The following DGKD variants were observed in gnomAD, a reference collection of about 807,000 sequenced individuals.
The protein encoded by DGKD is diacylglycerol kinase delta.
In DGKD, 68 loss-of-function variants were observed where a neutral mutation model predicts 154.4. The observed-to-expected ratio is 0.44, with a 90% CI of 0.36 to 0.54. The LOEUF (loss-of-function observed/expected upper bound fraction) is 0.54, where lower values mean the gene tolerates loss of function less well. Ranked by LOEUF, DGKD falls within the 20% of genes least tolerant of loss-of-function variation. DGKD has a pLI of 0.00. For missense variants in DGKD, 1,343 were observed against 1,593.6 expected (o/e 0.84, Z 2.68); for synonymous variants, 693 against 638.0 (o/e 1.09, Z -1.30).
At chr2:233,375,152 G>C (rs1203913143) in intron 1 of DGKD, among the ~76,000 whole-genome samples, 3 of 152,142 alleles carry the variant, frequency 2.0e-5, no homozygotes, top group African/African-American at 7.2e-5. Context: ...TTGGCCAGGC[G>C]TGATGGCACA....
In DGKD at chr2:233,438,085, C is replaced by T. The variant is rs753159101; in HGVS notation, c.923-132C>T. The T allele has an allele frequency of 3.1e-4, 321 of 1,019,084 alleles. 1 individual carries two copies. The highest frequency in any genetic ancestry group is 4.0e-4 in the Non-Finnish European group (276 of 684,226). 63.1% of individuals were successfully genotyped at this position (1,019,084 alleles called of 1,614,324 possible). A position where few individuals can be genotyped will look rare whatever the true frequency, so the allele number is the denominator to read the frequency against. On this transcript the variant is annotated intron_variant, in intron 8 of 29. Transcript: ENST00000264057. The surrounding 1 kb of genome is among the most constrained non-coding windows in gnomAD (Gnocchi z 4.1). ...GCTGTGGGGAACTGTTCACTGACCT[C>T]CTCCTGACTTACAGGTGTGCATGTG...
rs1190339309 is a variant in DGKD, at chr2:233,457,741, G to A, written c.2580+413G>A. On this transcript the variant is annotated intron_variant, in intron 21 of 29. Transcript: ENST00000264057. The surrounding 1 kb of genome is among the most constrained non-coding windows in gnomAD (Gnocchi z 5.5). Reference sequence around the variant, plus strand: ...GACAGGGCAGGCACATGGAGGATGGGAGAGAGGTGCCCCGACTGCAGTGGG... The same window carrying A: ...GACAGGGCAGGCACATGGAGGATGGAAGAGAGGTGCCCCGACTGCAGTGGG... 7.7e-5 allele frequency: 29 copies of A among 376,672 alleles called. No individual in the cohort carries two copies. The highest frequency in any genetic ancestry group is 1.5e-4 in the Non-Finnish European group (28 of 190,390). 23.3% of individuals were successfully genotyped at this position (376,672 alleles called of 1,614,324 possible). A position where few individuals can be genotyped will look rare whatever the true frequency, so the allele number is the denominator to read the frequency against.
At chr2:233,450,786 C>T (rs1320429623) in intron 16 of DGKD, 136 bp from the exon 17 acceptor site, 1 of 1,130,794 alleles carries the variant, frequency 8.8e-7, no homozygotes, top group Non-Finnish European at 1.3e-6. Flanking sequence ...CTTTGTCCCA[C>T]ACACTTCACG....
At chr2:233,374,445 C>A (rs1434201144) in intron 1 of DGKD, among the ~76,000 whole-genome samples, 1 of 152,126 alleles carries the variant, frequency 6.6e-6, no homozygotes, top group African/African-American at 2.4e-5. Flanking sequence ...GGTGATTTTC[C>A]TGTCTTGGCC....
At chr2:233,401,968 A>AGG (rs1169025106) in intron 3 of DGKD, among the ~76,000 whole-genome samples, 1 of 140,824 alleles carries the variant, frequency 7.1e-6, no homozygotes, top group Middle Eastern at 3.7e-3. Flanking sequence ...TAAACCATCG[A>AGG]GGGGCCCCTC....
chr2:233,439,325 G>A (rs1283667152), intron 9 of DGKD, among the ~76,000 whole-genome samples: 4 of 152,290 alleles, frequency 2.6e-5, no homozygotes, highest in Middle Eastern at 3.4e-3. Context: ...AGCTCCCTGC[G>A]TGTCCTTGGC....
intron 1 of DGKD, among the ~76,000 whole-genome samples, chr2:233,363,350 TTAAAAA>T (rs1701873267): frequency 6.6e-6 from 1 of 151,978 alleles, no homozygotes; most frequent in Non-Finnish European, 1.5e-5. Context: ...ATTAAAAAAA[TTAAAAA>T]TAGAAAAAAG....
At chr2:233,403,570 A>G (rs1373114752) in intron 3 of DGKD, among the ~76,000 whole-genome samples, 2 of 152,086 alleles carry the variant, frequency 1.3e-5, no homozygotes, top group Non-Finnish European at 2.9e-5. Context: ...CAAAAATAAA[A>G]ATAAAAGTAA....
chr2:233,383,760 A>G (rs1479661309), intron 1 of DGKD, among the ~76,000 whole-genome samples: 2 of 152,154 alleles, frequency 1.3e-5, no homozygotes, highest in African/African-American at 2.4e-5. Flanking sequence ...CAAATCTGCA[A>G]GGGTCTGTTT....
intron 12 of DGKD, among the ~76,000 whole-genome samples, chr2:233,447,117 G>A (rs993535748): frequency 1.4e-4 from 22 of 152,064 alleles, no homozygotes; most frequent in East Asian, 3.9e-4. Context: ...CAAACGGTGC[G>A]CGCCCGTTCC....
At chr2:233,432,311 G>T (rs553563188) in intron 3 of DGKD, among the ~76,000 whole-genome samples, 1 of 94,904 alleles carries the variant, frequency 1.1e-5, no homozygotes, top group Non-Finnish European at 2.4e-5. Context: ...GGATCATGAG[G>T]TCAGGAGATT....
chr2:233,362,352 A>G (rs1444222043), intron 1 of DGKD, among the ~76,000 whole-genome samples: 3 of 152,192 alleles, frequency 2.0e-5, no homozygotes, highest in Non-Finnish European at 4.4e-5. Context: ...GAGACACAAT[A>G]TTTGAAAAGA....
chr2:233,381,858 T>C (rs938704770), intron 1 of DGKD, among the ~76,000 whole-genome samples: 3 of 152,266 alleles, frequency 2.0e-5, no homozygotes, highest in African/African-American at 7.2e-5. Context: ...ACTGGAATAC[T>C]AGTTTCTGTC....
chr2:233,380,891 G>A (rs990507523), intron 1 of DGKD, among the ~76,000 whole-genome samples: 24 of 152,108 alleles, frequency 1.6e-4, no homozygotes, highest in Admixed American at 1.2e-3. Flanking sequence ...TCCTCCTGTC[G>A]GTGGAGGCTT....
At chr2:233,375,761 G>T (rs796971933) in intron 1 of DGKD, among the ~76,000 whole-genome samples, 2 of 152,076 alleles carry the variant, frequency 1.3e-5, no homozygotes, top group African/African-American at 4.8e-5. Flanking sequence ...AAGCAGACAC[G>T]GAAGTAGAGA....
At chr2:233,363,799 G>T (rs1218979228) in intron 1 of DGKD, among the ~76,000 whole-genome samples, 1 of 152,230 alleles carries the variant, frequency 6.6e-6, no homozygotes, top group Non-Finnish European at 1.5e-5. Context: ...GTTGCCTACA[G>T]TGTCAGCACA....
Position 233,449,999 on chromosome 2 carries a change from G to C in DGKD, c.1906G>C (p.Ala636Pro), listed in dbSNP as rs748845678. Reference sequence around the variant, plus strand: ...TTGCACAGCTGTCGATGAGCAGAATGCCCAGACCCAGGAGCAGGAGGGCTT... The same window carrying C: ...TTGCACAGCTGTCGATGAGCAGAATCCCCAGACCCAGGAGCAGGAGGGCTT... ...HTEKAVDEQN[A>P]QTQEQEGFVL... Residue 636 changes from alanine (A) to proline (P), a missense_variant, in exon 16 of 30, where the codon GCC becomes CCC. Ala to Pro is a conservative substitution (Grantham distance 27). Around this residue, in one of 6 missense-constraint regions of DGKD, gnomAD observed 409 missense variants for 446.0 expected, o/e 0.92. Transcript: ENST00000264057. This position sits in a 1 kb window ranked among gnomAD's most constrained non-coding sequence, Gnocchi z 5.3. 1 of 1,607,722 alleles carries C rather than the reference G, an allele frequency of 6.2e-7. No individual in the cohort carries two copies. The highest frequency in any genetic ancestry group is 1.7e-5 in the Admixed American group (1 of 59,080).
At chr2:233,386,302 T>A (rs897573787) in intron 1 of DGKD, 3 of 271,400 alleles carry the variant, frequency 1.1e-5, no homozygotes, top group Non-Finnish European at 2.2e-5. Flanking sequence ...GGTATATGTT[T>A]CAGGCTTCCA....
chr2:233,354,772 C>A lies in DGKD; in HGVS notation c.156+98C>A. ...TGCCCGAGCGGCCGCCCAGGCCCGG[C>A]TCGGCCCGGCCCGGGGTCCCGCGGG... On this transcript the variant is annotated intron_variant, in intron 1 of 29. Coordinates refer to ENST00000264057, the MANE Select transcript of DGKD (RefSeq NM_152879.3). The surrounding 1 kb of genome is among the most constrained non-coding windows in gnomAD (Gnocchi z 4.8). 1 of 712,864 alleles carries A rather than the reference C, an allele frequency of 1.4e-6. No homozygotes were observed. Among genetic ancestry groups the A allele is most frequent in the Non-Finnish European group, 1.7e-6 (1 of 584,074 alleles). 44.2% of individuals were successfully genotyped at this position (712,864 alleles called of 1,614,324 possible).
Sources: gnomAD v4.1 joint callset for allele counts (sites outside exome capture counted in the v4.1 genomes callset) on GRCh38, gnomAD v4.1.1 for gene constraint, gnomAD v4.1.1 regional missense constraint, Gnocchi (gnomAD v3.1) non-coding constraint, MANE v1.5 for transcripts, NCBI Gene and HGNC (gene_info 2026-07-23, HGNC 2026-07-21) for gene names.